SYTL5: variants seen among roughly 807,000 people sequenced by gnomAD.
SYTL5 encodes synaptotagmin-like protein 5.
A neutral mutation model predicts 55.9 loss-of-function variants in SYTL5; 34 were observed. The ratio of observed to expected loss-of-function variants is 0.61; its 90% CI spans 0.46 to 0.81. SYTL5 has a LOEUF of 0.81. Ranked by LOEUF, SYTL5 falls within the 30% of genes least tolerant of loss-of-function variation. SYTL5 has a pLI of 0.00. For missense variants in SYTL5, 637 were observed against 546.7 expected (o/e 1.17, Z -1.65); for synonymous variants, 221 against 188.7 (o/e 1.17, Z -1.40).
the SYTL5 span, among the ~76,000 whole-genome samples, chrX:37,937,302 T>G: frequency 2.7e-5 from 3 of 110,739 alleles, no homozygotes. Flanking sequence ...TTTCTCCAAC[T>G]GCTGGCAGAA....
intron 1 of SYTL5, among the ~76,000 whole-genome samples, chrX:38,009,763 A>G (rs1049352681): frequency 9.0e-6 from 1 of 111,609 alleles, no homozygotes; most frequent in African/African-American, 3.3e-5. Context: ...TGAAAAGAAC[A>G]TAGCCAAAGA....
chrX:38,043,702 T>TATATATATATAC (rs1336463479), intron 2 of SYTL5, among the ~76,000 whole-genome samples: 3 of 89,709 alleles, frequency 3.3e-5, no homozygotes, highest in Non-Finnish European at 4.4e-5. Flanking sequence ...CATATATATA[T>TATATATATATAC]ACATATTTTC....
chrX:37,984,284 G>C, the SYTL5 span, among the ~76,000 whole-genome samples: 1 of 111,419 alleles, frequency 9.0e-6, no homozygotes, highest in East Asian at 2.8e-4. Flanking sequence ...GCTGGAATCA[G>C]TAATGAAAAG....
intron 1 of SYTL5, among the ~76,000 whole-genome samples, chrX:38,008,370 T>A (rs1934064044): frequency 9.0e-6 from 1 of 111,659 alleles, no homozygotes; most frequent in Non-Finnish European, 1.9e-5. Context: ...TTCCTGGTTA[T>A]CTCTTTCTGT....
intron 9 of SYTL5, 25 bp from the exon 10 acceptor site, chrX:38,102,317 A>G (rs1449813171): frequency 1.9e-6 from 2 of 1,065,490 alleles, no homozygotes; most frequent in East Asian, 6.1e-5. Context: ...CAACCAACCC[A>G]CTGATTTTTC....
the SYTL5 span, among the ~76,000 whole-genome samples, chrX:37,933,369 T>C: frequency 1.2e-4 from 13 of 111,264 alleles, no homozygotes; most frequent in Admixed American, 1.2e-3. Context: ...TTCAGCCCCA[T>C]GGTAGCCTTA....
chrX:37,988,807 G>A, the SYTL5 span, among the ~76,000 whole-genome samples: 1 of 112,181 alleles, frequency 8.9e-6, no homozygotes, highest in Non-Finnish European at 1.9e-5. Flanking sequence ...TATAGCATCA[G>A]AAATCCTACC....
At chrX:38,121,249 G>A (rs1204823662) in intron 14 of SYTL5, among the ~76,000 whole-genome samples, 1 of 111,865 alleles carries the variant, frequency 8.9e-6, no homozygotes, top group Non-Finnish European at 1.9e-5. Context: ...CCTCGCACCA[G>A]GCCCCACCTC....
intron 9 of SYTL5, among the ~76,000 whole-genome samples, chrX:38,100,873 A>G (rs1937067851): frequency 9.0e-6 from 1 of 111,345 alleles, no homozygotes; most frequent in African/African-American, 3.3e-5. Context: ...TATATGCGCC[A>G]GGATACATAT....
At position 38,033,673 on chromosome X, in the gene SYTL5, G is replaced by C. The variant is rs1935025363; in HGVS notation, c.-217G>C. On this transcript the variant is annotated 5_prime_UTR_variant, in exon 2 of 17. An upstream start codon of the reference 5' UTR is lost. Transcript: ENST00000297875. ...AACATTTTTCAGTTAAAACAATAAT[G>C]ACTTTCTTGGAGTGTAATCCCAGTG... 1 of 232,184 alleles carries C rather than the reference G, an allele frequency of 4.3e-6. No individual in the cohort carries two copies. The highest frequency in any genetic ancestry group is 2.8e-5 in the African/African-American group (1 of 35,396). 19.1% of individuals were successfully genotyped at this position (232,184 alleles called of 1,213,427 possible). A position where few individuals can be genotyped will look rare whatever the true frequency, so the allele number is the denominator to read the frequency against.
chrX:38,025,926 TCAAACTAAAC>T (rs1934756217), intron 1 of SYTL5, among the ~76,000 whole-genome samples: 1 of 111,940 alleles, frequency 8.9e-6, no homozygotes, highest in Non-Finnish European at 1.9e-5. Context: ...TGACATGGGT[TCAAACTAAAC>T]CAAATATGGA....
intron 3 of SYTL5, among the ~76,000 whole-genome samples, chrX:38,063,024 C>T (rs1935997654): frequency 9.0e-6 from 1 of 111,229 alleles, no homozygotes; most frequent in African/African-American, 3.3e-5. Flanking sequence ...AAACCCAAAT[C>T]CTATAGTAAA....
chrX:37,899,637 T>A, the SYTL5 span, among the ~76,000 whole-genome samples: 2 of 112,181 alleles, frequency 1.8e-5, no homozygotes, highest in African/African-American at 6.5e-5. Flanking sequence ...CCTCTCTCCC[T>A]ATTTCATTTG....
At chrX:38,000,947 C>T in the SYTL5 span, among the ~76,000 whole-genome samples, 1 of 111,689 alleles carries the variant, frequency 9.0e-6, no homozygotes. Flanking sequence ...GCTCTGCCAG[C>T]GTGCTCCTCT....
intron 1 of SYTL5, among the ~76,000 whole-genome samples, chrX:38,032,921 C>T (rs1934999338): frequency 9.0e-6 from 1 of 111,148 alleles, no homozygotes; most frequent in Admixed American, 9.6e-5. Flanking sequence ...ACATGGGTCT[C>T]ACTATGTTGC....
chrX:37,966,270 T>C, the SYTL5 span, among the ~76,000 whole-genome samples: 2 of 110,532 alleles, frequency 1.8e-5, no homozygotes, highest in African/African-American at 6.6e-5. Context: ...TCTCTTATTT[T>C]TGTTTATCTT....
At chrX:37,913,469 G>A in the SYTL5 span, among the ~76,000 whole-genome samples, 23 of 112,440 alleles carry the variant, frequency 2.0e-4, no homozygotes, top group Non-Finnish European at 3.6e-4. Flanking sequence ...TAATTAAGCC[G>A]TTAGTCCATT....
At chrX:38,034,693 C>A (rs141912863) in intron 2 of SYTL5, among the ~76,000 whole-genome samples, 44 of 112,181 alleles carry the variant, frequency 3.9e-4, no homozygotes, top group African/African-American at 1.2e-3. Flanking sequence ...CTGGTTTCCC[C>A]GGCATGACTT....
At chrX:38,060,973 C>A (rs1935926878) in intron 3 of SYTL5, among the ~76,000 whole-genome samples, 2 of 111,658 alleles carry the variant, frequency 1.8e-5, no homozygotes, top group Non-Finnish European at 3.8e-5. Flanking sequence ...TTATTGATAA[C>A]CTGTTAAGTA....
Sources: allele counts gnomAD v4.1 joint callset (sites outside exome capture counted in the v4.1 genomes callset), GRCh38; gene constraint gnomAD v4.1.1; transcripts MANE v1.5; gene names NCBI Gene and HGNC (gene_info 2026-07-23, HGNC 2026-07-21).